The following GPAT3 variants were observed in gnomAD, a reference collection of about 807,000 sequenced individuals.
The protein encoded by GPAT3 is 1-AGP acyltransferase 9.
In GPAT3, 53 loss-of-function variants were observed where a neutral mutation model predicts 58.8. That is an observed-to-expected ratio of 0.90 (90% CI 0.72 to 1.13). GPAT3 has a LOEUF of 1.13. Among genes scored for constraint, GPAT3 ranks in the 50% most tolerant of loss-of-function variants. GPAT3 has a pLI of 0.00. For synonymous variants in GPAT3, 197 were observed against 187.4 expected, an observed-to-expected ratio of 1.05 and a Z score of -0.42; for missense variants, 511 against 527.6, an observed-to-expected ratio of 0.97 and a Z score of 0.31.
chr4:83,588,665 A>G (rs1253200145), intron 5 of GPAT3, among the ~76,000 whole-genome samples: 2 of 152,318 alleles, frequency 1.3e-5, no homozygotes, highest in East Asian at 3.9e-4. Context: ...CAATGGAATC[A>G]GGTTTTGAGC....
intron 2 of GPAT3, among the ~76,000 whole-genome samples, chr4:83,548,171 G>A (rs1045549104): frequency 6.6e-6 from 1 of 152,196 alleles, no homozygotes; most frequent in Non-Finnish European, 1.5e-5. Flanking sequence ...GCTAGGACAA[G>A]AAAATACAGG....
intron 2 of GPAT3, among the ~76,000 whole-genome samples, chr4:83,556,817 C>T (rs1724959418): frequency 6.6e-6 from 1 of 152,082 alleles, no homozygotes; most frequent in Non-Finnish European, 1.5e-5. Flanking sequence ...TGCTTCTAGC[C>T]TAGTATTTGT....
At chr4:83,587,943 G>A (rs902831704) in intron 4 of GPAT3, among the ~76,000 whole-genome samples, 2 of 152,036 alleles carry the variant, frequency 1.3e-5, no homozygotes, top group Non-Finnish European at 2.9e-5. Context: ...ACTTTATCTC[G>A]TTCAGGAATT....
At chr4:83,551,206 T>C (rs1049892034) in intron 2 of GPAT3, among the ~76,000 whole-genome samples, 1 of 152,180 alleles carries the variant, frequency 6.6e-6, no homozygotes, top group African/African-American at 2.4e-5. Flanking sequence ...TGTAAGCTGA[T>C]TTATTTATAC....
At chr4:83,548,447 G>C in intron 2 of GPAT3, among the ~76,000 whole-genome samples, 1 of 152,158 alleles carries the variant, frequency 6.6e-6, no homozygotes, top group East Asian at 1.9e-4. Context: ...ATTAATATTA[G>C]TAATTATGTA....
At chr4:83,597,873 C>T (rs534742195) in intron 9 of GPAT3, among the ~76,000 whole-genome samples, 178 bp from the exon 10 acceptor site, 1 of 152,030 alleles carries the variant, frequency 6.6e-6, no homozygotes, top group African/African-American at 2.4e-5. Context: ...GCAGTCATCT[C>T]TAGTCAGATG....
At chr4:83,570,297 C>T (rs376616088) in intron 2 of GPAT3, among the ~76,000 whole-genome samples, 3 of 152,068 alleles carry the variant, frequency 2.0e-5, no homozygotes, top group African/African-American at 7.2e-5. Flanking sequence ...CATAGGATTG[C>T]GAAGACTACA....
intron 2 of GPAT3, among the ~76,000 whole-genome samples, chr4:83,577,993 G>A (rs1725883316): frequency 2.0e-5 from 3 of 151,862 alleles, no homozygotes; most frequent in South Asian, 4.1e-4. Context: ...TAGAGACGGG[G>A]TTTCACCATG....
At chr4:83,566,519 G>T (rs145538128) in intron 2 of GPAT3, among the ~76,000 whole-genome samples, 12 of 150,854 alleles carry the variant, frequency 8.0e-5, no homozygotes, top group Admixed American at 4.0e-4. Flanking sequence ...TGATCCACCC[G>T]TCTCAGCCTC....
At chr4:83,551,889 C>T (rs1182961946) in intron 2 of GPAT3, among the ~76,000 whole-genome samples, 1 of 146,918 alleles carries the variant, frequency 6.8e-6, no homozygotes, top group Non-Finnish European at 1.5e-5. Context: ...TCTTGTTAAA[C>T]TCATCTTTGG....
chr4:83,603,754 C>T (rs944020414), intron 11 of GPAT3, among the ~76,000 whole-genome samples: 6 of 144,388 alleles, frequency 4.2e-5, no homozygotes, highest in African/African-American at 1.6e-4. Flanking sequence ...TGTGCCATTG[C>T]ACTCCAGCCT....
intron 2 of GPAT3, among the ~76,000 whole-genome samples, chr4:83,547,246 CTTTTTTTTTTTTT>C (rs10618385): frequency 1.6e-4 from 13 of 82,204 alleles, no homozygotes; most frequent in African/African-American, 7.5e-4. Context: ...TTCTACTGCT[CTTTTTTTTTTTTT>C]TTTTTTTTTT....
chr4:83,583,667 GAAAAAAAAAAAAAAAAA>G (rs749976752), intron 3 of GPAT3, among the ~76,000 whole-genome samples: 33 of 23,480 alleles, frequency 1.4e-3, no homozygotes, highest in Non-Finnish European at 2.1e-3. Context: ...ACTCTTGTCT[GAAAAAAAAAAAAAAAAA>G]AAAAAAAAAA....
At chr4:83,536,858 G>T in intron 1 of GPAT3, 95 bp downstream of exon 1, 1 of 1,202,028 alleles carries the variant, frequency 8.3e-7, no homozygotes, top group South Asian at 1.4e-5. Context: ...AGTCAGGGGT[G>T]TGTGTGCGCG....
At chr4:83,594,982 C>A (rs1342201125) in intron 7 of GPAT3, 22 bp downstream of exon 7, 4 of 1,593,914 alleles carry the variant, frequency 2.5e-6, no homozygotes, top group Non-Finnish European at 3.4e-6. Flanking sequence ...AATTACTCAG[C>A]ATTCACTGGA....
At chr4:83,536,807 C>G (rs1724112526) in intron 1 of GPAT3, 44 bp downstream of exon 1, 1 of 1,561,498 alleles carries the variant, frequency 6.4e-7, no homozygotes, top group Non-Finnish European at 8.7e-7. Context: ...CCGCTGCGGG[C>G]TGAGAACCCG....
chr4:83,590,405 A>C (rs1160843761), intron 6 of GPAT3, 113 bp downstream of exon 6: 1 of 888,924 alleles, frequency 1.1e-6, no homozygotes, highest in Non-Finnish European at 1.8e-6. Flanking sequence ...TGACTGCGTT[A>C]TACTATTGTA....
Position 83,595,927 on chromosome 4 carries a change from G to T in GPAT3, c.855-931G>T, listed in dbSNP as rs572353845. On this transcript the variant is annotated intron_variant, in intron 7 of 11. Coordinates refer to ENST00000264409, the MANE Select transcript of GPAT3 (RefSeq NM_032717.5). Reference sequence around the variant, plus strand: ...AAAGTACTTGATGAATCTGCTTCAAGTTAGAAAAACGATTCCCTATCTTGA... The same window carrying T: ...AAAGTACTTGATGAATCTGCTTCAATTTAGAAAAACGATTCCCTATCTTGA... Among the ~76,000 whole-genome samples, 3 of 152,300 alleles carry T rather than the reference G, an allele frequency of 2.0e-5. No individual in the cohort carries two copies. In the South Asian group the frequency reaches 6.2e-4, roughly 32 times the overall value.
At chr4:83,551,815 TCTATCTATCTA>T (rs1216237557) in intron 2 of GPAT3, among the ~76,000 whole-genome samples, 1 of 115,598 alleles carries the variant, frequency 8.7e-6, no homozygotes, top group African/African-American at 3.8e-5. Flanking sequence ...AAAAAAAAAA[TCTATCTATCTA>T]TCTATCTATC....
Sources: allele counts gnomAD v4.1 joint callset (sites outside exome capture counted in the v4.1 genomes callset), GRCh38; gene constraint gnomAD v4.1.1; transcripts MANE v1.5; gene names NCBI Gene and HGNC (gene_info 2026-07-23, HGNC 2026-07-21).